Variants in ALDH7A1 observed in about 807,000 individuals in gnomAD.
ALDH7A1 encodes alpha-aminoadipic semialdehyde dehydrogenase.
ALDH7A1 carries 63 observed loss-of-function variants against 79.9 expected under a neutral mutation model. That is an observed-to-expected ratio of 0.79 (90% confidence interval 0.64 to 0.97). The LOEUF (loss-of-function observed/expected upper bound fraction) is 0.97, where lower values mean the gene tolerates loss of function less well. Among genes scored for constraint, ALDH7A1 ranks in the 50% least tolerant of loss-of-function variants. ALDH7A1 has a pLI of 0.00. For missense variants in ALDH7A1, 627 were observed against 665.2 expected (o/e 0.94, Z 0.63); for synonymous variants, 240 against 231.2 (o/e 1.04, Z -0.34).
In ALDH7A1 at chr5:126,551,473, C is replaced by A. The variant is rs151278894; in HGVS notation, c.1317+548G>T. On this transcript the variant is annotated intron_variant, in intron 14 of 17. Transcript: ENST00000409134. ...GGTATTACAGATTACAGGCGCCCAA[C>A]ACCACGCCTGGCTAATTTTTTTGTT... 4.8e-3 allele frequency among the ~76,000 whole-genome samples: 737 copies of A among 152,176 alleles called. 6 individuals are homozygous for A. The highest frequency in any genetic ancestry group is 0.017 in the African/African-American group (705 of 41,530).
At chr5:126,590,194 C>T (rs891575742) in intron 3 of ALDH7A1, among the ~76,000 whole-genome samples, 25 of 149,856 alleles carry the variant, frequency 1.7e-4, no homozygotes, top group African/African-American at 6.2e-4. Flanking sequence ...TCTGCCCGGC[C>T]ACCGCCCTGT....
chr5:126,578,446 T>A (rs1036796477), intron 5 of ALDH7A1, among the ~76,000 whole-genome samples: 1 of 151,958 alleles, frequency 6.6e-6, no homozygotes, highest in Non-Finnish European at 1.5e-5. Flanking sequence ...GTTTGAGACT[T>A]GGATCAACAT....
chr5:126,565,744 C>A (rs533943581), intron 9 of ALDH7A1, among the ~76,000 whole-genome samples: 4 of 152,250 alleles, frequency 2.6e-5, no homozygotes, highest in Admixed American at 2.6e-4. Flanking sequence ...GTCTTTGATA[C>A]ATTTGGAGTT....
intron 16 of ALDH7A1, among the ~76,000 whole-genome samples, chr5:126,548,968 T>C (rs980991025): frequency 1.4e-5 from 2 of 144,482 alleles, no homozygotes; most frequent in African/African-American, 5.2e-5. Flanking sequence ...CAGCTATTCA[T>C]GAGGCTGAGG....
At chr5:126,582,785 T>A in intron 5 of ALDH7A1, 66 bp downstream of exon 5, 1 of 1,590,700 alleles carries the variant, frequency 6.3e-7, no homozygotes, top group Admixed American at 1.7e-5. Flanking sequence ...AGCCAGAGTA[T>A]TTTATTTTTT....
intron 7 of ALDH7A1, among the ~76,000 whole-genome samples, chr5:126,571,489 G>T (rs1459416232): frequency 6.9e-6 from 1 of 144,842 alleles, no homozygotes; most frequent in Non-Finnish European, 1.5e-5. Context: ...AAAAAAAAAA[G>T]AATCTTGAGA....
chr5:126,590,190 C>T (rs540299894), intron 3 of ALDH7A1, among the ~76,000 whole-genome samples: 3 of 151,480 alleles, frequency 2.0e-5, no homozygotes, highest in East Asian at 3.9e-4. Context: ...CGCCTCTGCC[C>T]GGCCACCGCC....
rs70994880 is a variant in ALDH7A1, at chr5:126,578,638, C to CAAAAA, written c.518-1432_518-1428dup. Reference sequence around the variant, plus strand: ...TGGACAACAGAGTAAGACCCTGTATCAAAAAAAAAAAAAAAAAGAAAGAAA... The same window carrying CAAAAA: ...TGGACAACAGAGTAAGACCCTGTATCAAAAAAAAAAAAAAAAAAAAAAGAAAGAAA... On this transcript the variant is annotated intron_variant, in intron 5 of 17. Coordinates refer to ENST00000409134, the MANE Select transcript of ALDH7A1 (RefSeq NM_001182.5). 7.2e-4 allele frequency among the ~76,000 whole-genome samples: 65 copies of CAAAAA among 90,250 alleles called. 2 individuals are homozygous for CAAAAA. The highest frequency in any genetic ancestry group is 2.0e-3 in the African/African-American group (60 of 29,402). The allele number at this position is 90,250 out of a possible 152,430, so 59.2% of individuals were successfully genotyped here.
chr5:126,570,354 T>C (rs967277328), intron 8 of ALDH7A1: 13 of 196,406 alleles, frequency 6.6e-5, no homozygotes, highest in Non-Finnish European at 1.3e-4. Context: ...ACAATTTTAC[T>C]AAAAAGAGGC....
chr5:126,583,219 G>T (rs1316744350), intron 4 of ALDH7A1, among the ~76,000 whole-genome samples: 1 of 152,192 alleles, frequency 6.6e-6, no homozygotes, highest in Non-Finnish European at 1.5e-5. Flanking sequence ...AGTGGCTCAT[G>T]CCTATAATCC....
At chr5:126,594,438 ATTTTTT>A (rs34684581) in intron 1 of ALDH7A1, 169 of 185,632 alleles carry the variant, frequency 9.1e-4, no homozygotes, top group African/African-American at 2.7e-3. Context: ...TAAGGTTTTA[ATTTTTT>A]TTTTTTTTTT....
intron 5 of ALDH7A1, among the ~76,000 whole-genome samples, chr5:126,580,673 GA>G (rs1561665884): frequency 1.3e-5 from 2 of 151,962 alleles, no homozygotes; most frequent in Non-Finnish European, 2.9e-5. Context: ...AAAAATAGAA[GA>G]AAATCCACTA....
intron 11 of ALDH7A1, 68 bp downstream of exon 11, chr5:126,559,172 A>C: frequency 7.4e-7 from 1 of 1,354,210 alleles, no homozygotes; most frequent in Non-Finnish European, 1.1e-6. Flanking sequence ...ACACCTCTCT[A>C]ACAGCAGAAC....
At chr5:126,580,749 G>A (rs1017048955) in intron 5 of ALDH7A1, among the ~76,000 whole-genome samples, 10 of 151,706 alleles carry the variant, frequency 6.6e-5, no homozygotes, top group African/African-American at 2.4e-4. Flanking sequence ...TCCCACCATT[G>A]CCAATGCAGA....
At chr5:126,577,911 C>G (rs570379826) in intron 5 of ALDH7A1, among the ~76,000 whole-genome samples, 2 of 151,624 alleles carry the variant, frequency 1.3e-5, no homozygotes, top group African/African-American at 4.8e-5. Context: ...GCCAACTTCT[C>G]TGAATTCAAG....
chr5:126,561,220 C>T (rs1488881373), intron 9 of ALDH7A1, 96 bp from the exon 10 acceptor site: 10 of 997,042 alleles, frequency 1.0e-5, no homozygotes, highest in Non-Finnish European at 1.3e-5. Context: ...AATTATATAG[C>T]CTGTCCAATT....
Position 126,593,424 on chromosome 5 carries a change from GATC to G in ALDH7A1, c.193-23_193-21del, listed in dbSNP as rs1254492844. ...AATAACCTTAAAACAAAAGGATGAT[GATC>G]ATGTATAGAAAACGTAATCCCTTTT... On this transcript the variant is annotated intron_variant, in intron 1 of 17. Coordinates refer to ENST00000409134, the MANE Select transcript of ALDH7A1 (RefSeq NM_001182.5). The G allele has an allele frequency of 2.1e-5, 34 of 1,613,598 alleles. No individual in the cohort carries two copies. The Admixed American group carries it at 5.7e-4, about 27-fold the overall frequency.
chr5:126,542,757 C>T lies in ALDH7A1; in HGVS notation c.*2208G>A, dbSNP rs970203317. The T allele has an allele frequency of 1.6e-4, 24 of 152,178 alleles. No individual in the cohort carries two copies. Among genetic ancestry groups the T allele is most frequent in the African/African-American group, 5.5e-4 (23 of 41,446 alleles). The allele number at this position is 152,178 out of a possible 1,614,324, so 9.4% of individuals were successfully genotyped here. Reference sequence around the variant, plus strand: ...AAGTAGGAAGCAGAGTACATAATAGCACTCAATTTCCTTTGAGAAAACTGC... The same window carrying T: ...AAGTAGGAAGCAGAGTACATAATAGTACTCAATTTCCTTTGAGAAAACTGC... On this transcript the variant is annotated 3_prime_UTR_variant, in exon 18 of 18. Coordinates refer to ENST00000409134, the MANE Select transcript of ALDH7A1 (RefSeq NM_001182.5).
intron 8 of ALDH7A1, chr5:126,568,568 G>A: frequency 1.8e-6 from 1 of 563,552 alleles, no homozygotes; most frequent in Middle Eastern, 4.5e-4. Context: ...CCTGCTGTGA[G>A]CATTTGAATA....
Sources: gnomAD v4.1 joint callset for allele counts (sites outside exome capture counted in the v4.1 genomes callset) on GRCh38, gnomAD v4.1.1 for gene constraint, MANE v1.5 for transcripts, NCBI Gene and HGNC (gene_info 2026-07-23, HGNC 2026-07-21) for gene names.